Variants in TOP1 observed in about 807,000 individuals in gnomAD.
TOP1 encodes DNA topoisomerase 1.
TOP1 carries 10 observed loss-of-function variants against 111.1 expected under a neutral mutation model. That is an observed-to-expected ratio of 0.09 (90% CI 0.06 to 0.15). The LOEUF is 0.15. TOP1 is among the 10% of genes least tolerant of loss of function. TOP1 has a pLI of 1.00. For missense variants in TOP1, 474 were observed against 926.7 expected (o/e 0.51, Z 6.34); for synonymous variants, 271 against 302.9 (o/e 0.89, Z 1.10).
chr20:41,076,117 G>A (rs1042236540), intron 3 of TOP1, 54 bp from the exon 4 acceptor site: 23 of 1,555,856 alleles, frequency 1.5e-5, no homozygotes, highest in Admixed American at 8.1e-5. Flanking sequence ...CTTGTGAAAC[G>A]AATCCTTGTG....
chr20:41,112,510 C>T lies in TOP1; in HGVS notation c.1309-272C>T, dbSNP rs2034258659. On this transcript the variant is annotated intron_variant, in intron 13 of 20. Coordinates refer to ENST00000361337, the MANE Select transcript of TOP1 (RefSeq NM_003286.4). This position sits in a 1 kb window ranked among gnomAD's most constrained non-coding sequence, Gnocchi z 5.8. ...CTTAACAGGTTAAATGTGCCAAACT[C>T]TCTCTTCAGTACTATTCTTTTTTAC... Among the ~76,000 whole-genome samples the T allele has an allele frequency of 1.3e-5, 2 of 152,200 alleles. No homozygotes were observed. The highest frequency in any genetic ancestry group is 1.3e-4 in the Admixed American group (2 of 15,286).
intron 3 of TOP1, chr20:41,072,968 T>C: frequency 1.0e-6 from 1 of 985,412 alleles, no homozygotes; most frequent in Non-Finnish European, 1.2e-6. Flanking sequence ...TTTTTGTGAT[T>C]AATTGTGACC....
At chr20:41,117,539 A>G (rs976851100) in intron 17 of TOP1, among the ~76,000 whole-genome samples, 1 of 151,478 alleles carries the variant, frequency 6.6e-6, no homozygotes. Flanking sequence ...GGTGCCCGCC[A>G]TGTCGCCCGG....
At chr20:41,033,927 T>A (rs188913123) in intron 2 of TOP1, among the ~76,000 whole-genome samples, 132 of 152,232 alleles carry the variant, frequency 8.7e-4, no homozygotes, top group Non-Finnish European at 1.4e-3. Flanking sequence ...GTAATTAGTT[T>A]GAATGAAGCT....
intron 3 of TOP1, among the ~76,000 whole-genome samples, chr20:41,064,230 G>GT (rs2033580413): frequency 6.6e-6 from 1 of 151,998 alleles, no homozygotes; most frequent in Admixed American, 6.6e-5. Context: ...TCGGTGTGTG[G>GT]TTTTATTTCT....
intron 2 of TOP1, among the ~76,000 whole-genome samples, chr20:41,056,732 T>A (rs2033476658): frequency 6.6e-6 from 1 of 152,150 alleles, no homozygotes; most frequent in Non-Finnish European, 1.5e-5. Flanking sequence ...GCCTCCCACC[T>A]TGGCCTCCCA....
At chr20:41,060,109 C>T (rs150697365) in intron 2 of TOP1, among the ~76,000 whole-genome samples, 18 of 152,270 alleles carry the variant, frequency 1.2e-4, no homozygotes, top group African/African-American at 4.3e-4. Context: ...TTGGCAATTT[C>T]CTGTAAAGTT....
At position 41,042,502 on chromosome 20, in the gene TOP1, A is replaced by G. The variant is rs1600555034; in HGVS notation, c.58+13047A>G. ...ATACTAATACTAGGATGGTTAAATC[A>G]GGACTTTAGAAAGTAAGTGGAATAA... On this transcript the variant is annotated intron_variant, in intron 2 of 20. Transcript: ENST00000361337. Among the ~76,000 whole-genome samples the G allele has an allele frequency of 2.6e-5, 4 of 152,376 alleles. No homozygotes were observed. In the South Asian group the frequency reaches 8.3e-4, roughly 32 times the overall value.
At position 41,098,461 on chromosome 20, in the gene TOP1, C is replaced by CTTAGA; in HGVS notation, c.975+125_975+129dup. 1 of 1,114,426 alleles carries CTTAGA rather than the reference C, an allele frequency of 9.0e-7. No homozygotes were observed. Among genetic ancestry groups the CTTAGA allele is most frequent in the Non-Finnish European group, 1.3e-6 (1 of 790,340 alleles). The allele number at this position is 1,114,426 out of a possible 1,614,324, so 69.0% of individuals were successfully genotyped here. A position where few individuals can be genotyped will look rare whatever the true frequency, so the allele number is the denominator to read the frequency against. ...ATTTCACATCATTCTATGCTAAAGA[C>CTTAGA]TTAGAGTTCTCAAAGTCTAAATTTT... is the stretch of plus-strand genomic sequence containing the variant. On this transcript the variant is annotated intron_variant, in intron 11 of 20. Coordinates refer to ENST00000361337, the MANE Select transcript of TOP1 (RefSeq NM_003286.4). This position sits in a 1 kb window ranked among gnomAD's most constrained non-coding sequence, Gnocchi z 5.7.
Position 41,123,605 on chromosome 20 carries a change from GT to G in TOP1, c.*311del, listed in dbSNP as rs1396019150. 2 of 303,528 alleles carry G rather than the reference GT, an allele frequency of 6.6e-6. No individual in the cohort carries two copies. Among genetic ancestry groups the G allele is most frequent in the Non-Finnish European group, 1.2e-5 (2 of 163,524 alleles). 18.8% of individuals were successfully genotyped at this position (303,528 alleles called of 1,614,324 possible). ...CAGCGTTCTACCAGGCAAATTCACTGTTTCACTGAAATGTTTGGATTCTCTT... is the reference window on the plus strand; with the variant it reads ...CAGCGTTCTACCAGGCAAATTCACTGTTCACTGAAATGTTTGGATTCTCTT... On this transcript the variant is annotated 3_prime_UTR_variant, in exon 21 of 21. Transcript: ENST00000361337. The surrounding 1 kb of genome is among the most constrained non-coding windows in gnomAD (Gnocchi z 5.8).
At position 41,100,757 on chromosome 20, in the gene TOP1, C is replaced by CA. The variant is rs1725583500; in HGVS notation, c.1164-449dup. On this transcript the variant is annotated intron_variant, in intron 12 of 20. Coordinates refer to ENST00000361337, the MANE Select transcript of TOP1 (RefSeq NM_003286.4). This position sits in a 1 kb window ranked among gnomAD's most constrained non-coding sequence, Gnocchi z 4.4. Reference sequence around the variant, plus strand: ...CTGTGCAGCTTCTGTATGGCATATCCAAATTGCCAACATCACCACTTTCAC... The same window carrying CA: ...CTGTGCAGCTTCTGTATGGCATATCCAAAATTGCCAACATCACCACTTTCAC... 6.1e-6 allele frequency: 1 copy of CA among 163,662 alleles called. No individual in the cohort carries two copies. The highest frequency in any genetic ancestry group is 2.4e-5 in the African/African-American group (1 of 41,674). The allele number at this position is 163,662 out of a possible 1,614,324, so 10.1% of individuals were successfully genotyped here.
chr20:41,070,781 T>C (rs2033660738), intron 3 of TOP1, among the ~76,000 whole-genome samples: 1 of 152,224 alleles, frequency 6.6e-6, no homozygotes. Context: ...CTTCTACCTT[T>C]AACAGTGCTT....
At position 41,061,127 on chromosome 20, in the gene TOP1, C is replaced by T. The variant is rs375905765; in HGVS notation, c.59-267C>T. Among the ~76,000 whole-genome samples, 1 of 152,178 alleles carries T rather than the reference C, an allele frequency of 6.6e-6. No individual in the cohort carries two copies. The highest frequency in any genetic ancestry group is 6.5e-5 in the Admixed American group (1 of 15,268). On this transcript the variant is annotated intron_variant, in intron 2 of 20. Transcript: ENST00000361337. The surrounding 1 kb of genome is among the most constrained non-coding windows in gnomAD (Gnocchi z 4.6). ...ATAGTATTATGTCTAGGGAGAAAAACGCCAAACTGTGGCTTCTTTCCACAG... is the reference window on the plus strand; with the variant it reads ...ATAGTATTATGTCTAGGGAGAAAAATGCCAAACTGTGGCTTCTTTCCACAG...
chr20:41,053,068 A>G (rs1188393878), intron 2 of TOP1, among the ~76,000 whole-genome samples: 1 of 152,182 alleles, frequency 6.6e-6, no homozygotes, highest in African/African-American at 2.4e-5. Context: ...TTATTTTTTA[A>G]TATGCTCCTG....
At position 41,071,819 on chromosome 20, in the gene TOP1, G is replaced by C. The variant is rs904657587; in HGVS notation, c.156-4352G>C. 1.3e-5 allele frequency among the ~76,000 whole-genome samples: 2 copies of C among 152,182 alleles called. No individual in the cohort carries two copies. The highest frequency in any genetic ancestry group is 4.8e-5 in the African/African-American group (2 of 41,442). On this transcript the variant is annotated intron_variant, in intron 3 of 20. Coordinates refer to ENST00000361337, the MANE Select transcript of TOP1 (RefSeq NM_003286.4). This position sits in a 1 kb window ranked among gnomAD's most constrained non-coding sequence, Gnocchi z 4.3. ...CATACAGATGCAAACTATGAACCAA[G>C]AAGTCAGCATCTATGCCTAGCCAAT...
rs961001577 is a variant in TOP1, at chr20:41,101,642, C to T, written c.1308+289C>T. Among the ~76,000 whole-genome samples the T allele has an allele frequency of 7.9e-5, 12 of 152,214 alleles. No homozygotes were observed. The highest frequency in any genetic ancestry group is 2.9e-4 in the African/African-American group (12 of 41,462). On this transcript the variant is annotated intron_variant, in intron 13 of 20. Transcript: ENST00000361337. This position sits in a 1 kb window ranked among gnomAD's most constrained non-coding sequence, Gnocchi z 4.1. ...GAATTATGTTGGTAAACAAGATAGA[C>T]GTAGGCCCTGCCTTCATATTGCTTA... is the stretch of plus-strand genomic sequence containing the variant.
rs1220748546 is a variant in TOP1 at position 41,080,758 on chromosome 20, G to T, written c.432-407G>T. ...AACTCATTTGTATTCATTCAATATA[G>T]AATTTCTTTCCTCCACATTCCAGTG... On this transcript the variant is annotated intron_variant, in intron 6 of 20. Coordinates refer to ENST00000361337, the MANE Select transcript of TOP1 (RefSeq NM_003286.4). This position sits in a 1 kb window ranked among gnomAD's most constrained non-coding sequence, Gnocchi z 5.0. 6.6e-6 allele frequency among the ~76,000 whole-genome samples: 1 copy of T among 152,184 alleles called. No individual in the cohort carries two copies. The highest frequency in any genetic ancestry group is 2.4e-5 in the African/African-American group (1 of 41,448).
In TOP1 at chr20:41,100,017, A is replaced by T. The variant is rs199673797; in HGVS notation, c.976-39A>T. On this transcript the variant is annotated intron_variant, in intron 11 of 20. Transcript: ENST00000361337. The surrounding 1 kb of genome is among the most constrained non-coding windows in gnomAD (Gnocchi z 4.4). ...TAAAATGCATTAGTAGAGAACAGCA[A>T]TCTGAATCTATTTTGAGTACTTTCT... 4.0e-4 allele frequency: 596 copies of T among 1,475,810 alleles called. 6 individuals are homozygous for T. In the East Asian group the frequency reaches 0.013, roughly 33 times the overall value. The allele number at this position is 1,475,810 out of a possible 1,614,324, so 91.4% of individuals were successfully genotyped here. A position where few individuals can be genotyped will look rare whatever the true frequency, so the allele number is the denominator to read the frequency against.
chr20:41,075,432 A>G (rs1178691355), intron 3 of TOP1, among the ~76,000 whole-genome samples: 1 of 152,180 alleles, frequency 6.6e-6, no homozygotes, highest in Non-Finnish European at 1.5e-5. Context: ...CGGCCTTCCA[A>G]AGTGCTGGGA....
Sources: gnomAD v4.1 joint callset for allele counts (sites outside exome capture counted in the v4.1 genomes callset) on GRCh38, gnomAD v4.1.1 for gene constraint, Gnocchi (gnomAD v3.1) non-coding constraint, MANE v1.5 for transcripts, NCBI Gene and HGNC (gene_info 2026-07-23, HGNC 2026-07-21) for gene names.